The following SLC27A4 variants were observed in gnomAD, a reference collection of about 807,000 sequenced individuals.
The protein encoded by SLC27A4 is long-chain fatty acid transport protein 4.
SLC27A4 carries 33 observed loss-of-function variants against 64.4 expected under a neutral mutation model. That is an observed-to-expected ratio of 0.51 (90% CI 0.39 to 0.68). The LOEUF (loss-of-function observed/expected upper bound fraction) is 0.68, where lower values mean the gene tolerates loss of function less well. Among genes scored for constraint, SLC27A4 ranks in the 30% least tolerant of loss-of-function variants. The pLI is 0.00. For synonymous variants in SLC27A4, 377 were observed against 370.0 expected, an observed-to-expected ratio of 1.02 and a Z score of -0.22; for missense variants, 824 against 883.5, an observed-to-expected ratio of 0.93 and a Z score of 0.85.
chr9:128,355,965 A>G (rs892143717), intron 12 of SLC27A4, among the ~76,000 whole-genome samples, 169 bp downstream of exon 12: 2 of 152,136 alleles, frequency 1.3e-5, no homozygotes, highest in Admixed American at 6.5e-5. Flanking sequence ...GAAGACACAC[A>G]TTGTTCCTTA....
At chr9:128,342,135 C>T in intron 1 of SLC27A4, 1 of 926,140 alleles carries the variant, frequency 1.1e-6, no homozygotes, top group African/African-American at 1.6e-5. Context: ...CTAGAAAAGC[C>T]TCTTAGAACA....
chr9:128,350,400 G>A lies in SLC27A4; in HGVS notation c.785+19G>A. ...ACAGCAGGTAAGGGGCAGGTGCCCA[G>A]GGTGGGGTAGGCACAGGCAGGGCTG... On this transcript the variant is annotated intron_variant, in intron 5 of 12. Coordinates refer to ENST00000300456, the MANE Select transcript of SLC27A4 (RefSeq NM_005094.4). 2 of 1,613,482 alleles carry A rather than the reference G, an allele frequency of 1.2e-6. No individual in the cohort carries two copies. Among genetic ancestry groups the A allele is most frequent in the East Asian group, 2.2e-5 (1 of 44,884 alleles).
At chr9:128,357,513 G>A (rs552884084) in intron 12 of SLC27A4, among the ~76,000 whole-genome samples, 185 of 152,292 alleles carry the variant, frequency 1.2e-3, no homozygotes, top group African/African-American at 3.7e-3. Flanking sequence ...TGCTGTGTAC[G>A]GAGTGGGAGA....
Position 128,360,654 on chromosome 9 carries a change from C to G in SLC27A4, c.*163C>G, listed in dbSNP as rs1217415690. 2 of 684,374 alleles carry G rather than the reference C, an allele frequency of 2.9e-6. No homozygotes were observed. The highest frequency in any genetic ancestry group is 3.6e-5 in the African/African-American group (2 of 55,750). 42.4% of individuals were successfully genotyped at this position (684,374 alleles called of 1,614,324 possible). A position where few individuals can be genotyped will look rare whatever the true frequency, so the allele number is the denominator to read the frequency against. On this transcript the variant is annotated 3_prime_UTR_variant, in exon 13 of 13. Transcript: ENST00000300456. ...AACTGCCAAGTGACTCATTGCCTTC[C>G]CAACCCTTCCAGAGGCTTTCTGTGA...
At position 128,345,047 on chromosome 9, in the gene SLC27A4, G is replaced by C. The variant is rs1321418510; in HGVS notation, c.162-108G>C. 5 of 1,350,276 alleles carry C rather than the reference G, an allele frequency of 3.7e-6. No homozygotes were observed. Among genetic ancestry groups the C allele is most frequent in the Non-Finnish European group, 5.2e-6 (5 of 963,612 alleles). The allele number at this position is 1,350,276 out of a possible 1,614,324, so 83.6% of individuals were successfully genotyped here. A position where few individuals can be genotyped will look rare whatever the true frequency, so the allele number is the denominator to read the frequency against. ...CCAGGAGATAGAAGTGTTGTAGGGG[G>C]TCTGGCTCATGAAGCATAGGCTGGC... On this transcript the variant is annotated intron_variant, in intron 2 of 12. Coordinates refer to ENST00000300456, the MANE Select transcript of SLC27A4 (RefSeq NM_005094.4). This position sits in a 1 kb window ranked among gnomAD's most constrained non-coding sequence, Gnocchi z 4.1.
rs753413853 is a variant in SLC27A4 at position 128,353,460 on chromosome 9, C to G, written c.1243C>G (p.Pro415Ala). 1 of 1,614,124 alleles carries G rather than the reference C, an allele frequency of 6.2e-7. No homozygotes were observed. The highest frequency in any genetic ancestry group is 1.1e-5 in the South Asian group (1 of 91,078). Residue 415 changes from proline to alanine, a missense_variant, in exon 9 of 13, where the codon CCC becomes GCC. Transcript: ENST00000300456. The surrounding 1 kb of genome is among the most constrained non-coding windows in gnomAD (Gnocchi z 4.9). ...FNSRILSFVY[P>A]IRLVRVNEDT... is the part of the protein sequence containing the mutation. ...TAGCCGCATCCTGTCCTTCGTGTAC[C>G]CCATCCGGTTGGTACGTGTCAACGA...
At position 128,348,639 on chromosome 9, in the gene SLC27A4, C is replaced by A. The variant is rs1283088303; in HGVS notation, c.651C>A (p.His217Gln). Residue 217 changes from histidine (H) to glutamine (Q), a missense_variant, in exon 4 of 13, where the codon CAC becomes CAA. Transcript: ENST00000300456. ...EPGAVPPSTE[H>Q]LDPLLKDAPK... is the part of the protein sequence containing the mutation. ...GTGCGGTGCCTCCAAGCACAGAACA[C>A]CTGGACCCTCTGCTGAAAGATGCTC... 2 of 1,613,960 alleles carry A rather than the reference C, an allele frequency of 1.2e-6. No individual in the cohort carries two copies. Among genetic ancestry groups the A allele is most frequent in the African/African-American group, 2.7e-5 (2 of 74,946 alleles).
intron 4 of SLC27A4, among the ~76,000 whole-genome samples, chr9:128,349,223 C>T (rs1449374793): frequency 1.3e-5 from 2 of 152,192 alleles, no homozygotes; most frequent in Non-Finnish European, 1.5e-5. Context: ...CTGTAGCCTA[C>T]CTGGTTCTTC....
Position 128,340,624 on chromosome 9 carries a change from G to C in SLC27A4, c.-221G>C. On this transcript the variant is annotated 5_prime_UTR_variant, in exon 1 of 13. Coordinates refer to ENST00000300456, the MANE Select transcript of SLC27A4 (RefSeq NM_005094.4). Reference sequence around the variant, plus strand: ...CTGCGGCCTGGCACAGCAGGTTTGGGGTGCGGGAGGCGGGCGGGGTAGGAG... The same window carrying C: ...CTGCGGCCTGGCACAGCAGGTTTGGCGTGCGGGAGGCGGGCGGGGTAGGAG... The C allele has an allele frequency of 3.4e-6, 1 of 293,262 alleles. No individual in the cohort carries two copies. Among genetic ancestry groups the C allele is most frequent in the Admixed American group, 5.2e-5 (1 of 19,214 alleles). 18.2% of individuals were successfully genotyped at this position (293,262 alleles called of 1,614,324 possible). A position where few individuals can be genotyped will look rare whatever the true frequency, so the allele number is the denominator to read the frequency against.
intron 3 of SLC27A4, among the ~76,000 whole-genome samples, chr9:128,346,908 G>A (rs1200109249): frequency 6.6e-6 from 1 of 152,060 alleles, no homozygotes; most frequent in African/African-American, 2.4e-5. Flanking sequence ...GGGAGACTGA[G>A]GTAGGAGAAT....
chr9:128,344,981 T>C (rs1043694536), intron 2 of SLC27A4, among the ~76,000 whole-genome samples, 174 bp from the exon 3 acceptor site: 6 of 152,110 alleles, frequency 3.9e-5, no homozygotes, highest in African/African-American at 1.4e-4. Flanking sequence ...CTCAGTGTTA[T>C]TGAGAGGCAT....
At chr9:128,350,629 C>G (rs1832721022) in intron 6 of SLC27A4, 54 bp downstream of exon 6, 1 of 1,340,122 alleles carries the variant, frequency 7.5e-7, no homozygotes, top group Admixed American at 1.9e-5. Context: ...TCTAGGAACC[C>G]CACCCCCATC....
intron 1 of SLC27A4, among the ~76,000 whole-genome samples, chr9:128,341,602 A>G (rs1464987363): frequency 6.6e-6 from 1 of 152,004 alleles, no homozygotes. Context: ...CCCTCTATAG[A>G]CCAACAGACG....
At position 128,348,667 on chromosome 9, in the gene SLC27A4, A is replaced by G; in HGVS notation, c.679A>G (p.Lys227Glu). The part of the protein sequence containing the change: ...HLDPLLKDAP[K>E]HLPSCPDKGF... ...GGACCCTCTGCTGAAAGATGCTCCC[A>G]AGCACCTTCCCAGTTGCCCTGACAA... The change falls in exon 4 of 13, where the codon AAG becomes GAG. Residue 227 changes from lysine to glutamate, a missense_variant. Lys to Glu is a moderately conservative substitution (Grantham distance 56). Coordinates refer to ENST00000300456, the MANE Select transcript of SLC27A4 (RefSeq NM_005094.4). The G allele has an allele frequency of 6.2e-7, 1 of 1,614,030 alleles. No homozygotes were observed. The highest frequency in any genetic ancestry group is 8.5e-7 in the Non-Finnish European group (1 of 1,180,008).
chr9:128,340,820 G>A lies in SLC27A4; in HGVS notation c.-25G>A. 3 of 685,956 alleles carry A rather than the reference G, an allele frequency of 4.4e-6. No individual in the cohort carries two copies. The highest frequency in any genetic ancestry group is 5.4e-6 in the Non-Finnish European group (2 of 371,450). 42.5% of individuals were successfully genotyped at this position (685,956 alleles called of 1,614,324 possible). On this transcript the variant is annotated 5_prime_UTR_variant, in exon 1 of 13. Transcript: ENST00000300456. Reference sequence around the variant, plus strand: ...GGGCCGCATCTGGACGGGGCGCCGCGCGGCGGAGCCGACGCCGGGTGAGCA... The same window carrying A: ...GGGCCGCATCTGGACGGGGCGCCGCACGGCGGAGCCGACGCCGGGTGAGCA...
At chr9:128,348,505 G>A in intron 3 of SLC27A4, 40 bp from the exon 4 acceptor site, 1 of 1,610,764 alleles carries the variant, frequency 6.2e-7, no homozygotes, top group Non-Finnish European at 8.5e-7. Flanking sequence ...GGAACATGGG[G>A]TTTTCTGGCC....
Position 128,340,611 on chromosome 9 carries a change from A to C in SLC27A4, c.-234A>C, listed in dbSNP as rs759496502. The C allele has an allele frequency of 2.4e-3, 652 of 267,494 alleles. 1 individual carries two copies. Among genetic ancestry groups the C allele is most frequent in the Non-Finnish European group, 3.8e-3 (556 of 146,510 alleles). The allele number at this position is 267,494 out of a possible 1,614,324, so 16.6% of individuals were successfully genotyped here. On this transcript the variant is annotated 5_prime_UTR_variant, in exon 1 of 13. Transcript: ENST00000300456. Reference sequence around the variant, plus strand: ...GCGGCAGGCGGTGCTGCGGCCTGGCACAGCAGGTTTGGGGTGCGGGAGGCG... The same window carrying C: ...GCGGCAGGCGGTGCTGCGGCCTGGCCCAGCAGGTTTGGGGTGCGGGAGGCG...
At chr9:128,342,446 T>C in intron 1 of SLC27A4, 1 of 1,572,192 alleles carries the variant, frequency 6.4e-7, no homozygotes, top group Non-Finnish European at 8.7e-7. Flanking sequence ...TGTTTAACTT[T>C]GTAAGATGCA....
rs1410678053 is a variant in SLC27A4 at position 128,360,494 on chromosome 9, C to T, written c.*3C>T. The T allele has an allele frequency of 4.3e-6, 7 of 1,613,328 alleles. No homozygotes were observed. Among genetic ancestry groups the T allele is most frequent in the Non-Finnish European group, 5.9e-6 (7 of 1,179,892 alleles). ...AGGCAGGCGAGGAGAAGCTGTGATT[C>T]CCCCCATCCCTCTGAGGGCCGGCGG... is the stretch of plus-strand genomic sequence containing the variant. On this transcript the variant is annotated 3_prime_UTR_variant, in exon 13 of 13. Transcript: ENST00000300456.
Sources: allele counts gnomAD v4.1 joint callset (sites outside exome capture counted in the v4.1 genomes callset), GRCh38; gene constraint gnomAD v4.1.1; non-coding constraint Gnocchi (gnomAD v3.1); transcripts MANE v1.5; gene names NCBI Gene and HGNC (gene_info 2026-07-23, HGNC 2026-07-21).